TRHDE: variants seen among roughly 807,000 people sequenced by gnomAD.
TRHDE encodes the protein thyrotropin releasing hormone degrading enzyme, also known as thyrotropin-releasing hormone-degrading ectoenzyme.
A neutral mutation model predicts 125.7 loss-of-function variants in TRHDE; 72 were observed. The observed-to-expected ratio is 0.57, with a 90% CI of 0.47 to 0.70. The LOEUF (loss-of-function observed/expected upper bound fraction) is 0.70. Ranked by LOEUF, TRHDE falls within the 30% of genes least tolerant of loss-of-function variation. The pLI is 0.00. For synonymous variants in TRHDE, 509 were observed against 509.1 expected (o/e 1.00, Z 0.00); for missense variants, 1,110 against 1,327.1 (o/e 0.84, Z 2.54).
At position 72,591,981 on chromosome 12, in the gene TRHDE, TC is replaced by T. The variant is rs1474462731; in HGVS notation, c.2321+16440del. ...ATGCATGCAAGCACTTGCTGCTTAT[TC>T]TGTATGGTATTTGTTTAGCATTTTG... On this transcript the variant is annotated intron_variant, in intron 12 of 18. Transcript: ENST00000261180. 4.6e-5 allele frequency among the ~76,000 whole-genome samples: 7 copies of T among 152,242 alleles called. No homozygotes were observed. The East Asian group carries it at 1.3e-3, about 29-fold the overall frequency.
chr12:72,199,168 G>A (rs11179103), intron 2 of TRHDE, among the ~76,000 whole-genome samples: 6,699 of 152,188 alleles, frequency 0.044, 209 homozygotes, highest in South Asian at 0.11. Context: ...TGAGTGTGAG[G>A]TTGCCTCAGT....
chr12:72,099,212 A>G (rs181008872), intron 1 of TRHDE, among the ~76,000 whole-genome samples: 6 of 152,212 alleles, frequency 3.9e-5, no homozygotes, highest in East Asian at 1.9e-4. Context: ...TTTTTTGCCA[A>G]TCACCACTAA....
Position 72,621,744 on chromosome 12 carries a change from A to T in TRHDE, c.2668A>T (p.Arg890Trp). The change falls in exon 15 of 19, where the codon AGG becomes TGG. Residue 890 changes from arginine to tryptophan, a missense_variant. Physicochemically the swap from Arg to Trp is moderately radical, Grantham distance 101. This residue lies in a region of TRHDE where 527 missense variants were observed against 651.8 expected (regional missense o/e 0.81). Coordinates refer to ENST00000261180, the MANE Select transcript of TRHDE (RefSeq NM_013381.3). Reference sequence around the variant, plus strand: ...TATTTCAGATTGGATTTCCAGCAACAGGAACAGGTAAACTGAGCCAAATCC... The same window carrying T: ...TATTTCAGATTGGATTTCCAGCAACTGGAACAGGTAAACTGAGCCAAATCC... ...TLISDWISSNRNRIPLNVRDI... is the reference protein window; with the variant it reads ...TLISDWISSNWNRIPLNVRDI... 6.2e-7 allele frequency: 1 copy of T among 1,602,984 alleles called. No individual in the cohort carries two copies. The highest frequency in any genetic ancestry group is 1.4e-5 in the African/African-American group (1 of 73,892).
chr12:72,632,891 C>G (rs1873557069), intron 15 of TRHDE, among the ~76,000 whole-genome samples: 1 of 151,612 alleles, frequency 6.6e-6, no homozygotes, highest in Non-Finnish European at 1.5e-5. Flanking sequence ...TTTTACTTTT[C>G]CTTTGATGTC....
intron 1 of TRHDE, among the ~76,000 whole-genome samples, chr12:72,098,903 C>T (rs1310387614): frequency 2.0e-5 from 3 of 152,150 alleles, no homozygotes; most frequent in Admixed American, 6.5e-5. Context: ...TCGTGGCTCA[C>T]GTCTGTAATT....
chr12:72,248,441 C>T (rs1273337297), intron 2 of TRHDE, among the ~76,000 whole-genome samples: 4 of 121,060 alleles, frequency 3.3e-5, no homozygotes, highest in Non-Finnish European at 7.2e-5. Context: ...AAAAAAAAAG[C>T]GAAGTGCTTA....
At chr12:72,255,629 C>A (rs1878796349) in intron 2 of TRHDE, 1 of 152,202 alleles carries the variant, frequency 6.6e-6, no homozygotes, top group Non-Finnish European at 1.5e-5. Flanking sequence ...GAGGAACAAT[C>A]CCCGGGCTGT....
At chr12:72,521,849 T>A (rs934460297) in intron 6 of TRHDE, among the ~76,000 whole-genome samples, 1 of 152,104 alleles carries the variant, frequency 6.6e-6, no homozygotes, top group Non-Finnish European at 1.5e-5. Context: ...GTAGTCAAAT[T>A]TGTTAAGAGT....
rs1367032139 is a variant in TRHDE at position 72,378,070 on chromosome 12, A to G, written c.1264A>G (p.Ile422Val). ...TGCTCTCCATATAACAAAGAGATTA[A>G]TAGAATTTTATGAAGACTACTTTAA... ...DYALHITKRL[I>V]EFYEDYFKVP... Residue 422 changes from isoleucine (I) to valine (V), a missense_variant, in exon 3 of 19, where the codon ATA becomes GTA. By Grantham distance (29) the Ile-to-Val change is conservative. Coordinates refer to ENST00000261180, the MANE Select transcript of TRHDE (RefSeq NM_013381.3). 5 of 1,605,730 alleles carry G rather than the reference A, an allele frequency of 3.1e-6. No individual in the cohort carries two copies. The highest frequency in any genetic ancestry group is 4.3e-6 in the Non-Finnish European group (5 of 1,176,180).
intron 1 of TRHDE, among the ~76,000 whole-genome samples, chr12:72,276,920 T>A (rs1879508575): frequency 2.0e-5 from 3 of 152,184 alleles, no homozygotes; most frequent in African/African-American, 4.8e-5. Context: ...TTAGGTAAAA[T>A]GTCCGTTTAC....
Position 72,618,887 on chromosome 12 carries a change from G to C in TRHDE, c.2322-4G>C. ...CATGTATCTTTTTTTTTTTTTAACT[G>C]TAGGGCTGGCTATTTGCCTCAGAAT... On this transcript the variant is annotated splice_polypyrimidine_tract_variant and splice_region_variant and intron_variant, in intron 12 of 18. Transcript: ENST00000261180. 1 of 1,469,326 alleles carries C rather than the reference G, an allele frequency of 6.8e-7. No homozygotes were observed. The highest frequency in any genetic ancestry group is 1.4e-5 in the South Asian group (1 of 69,942). 91.0% of individuals were successfully genotyped at this position (1,469,326 alleles called of 1,614,324 possible).
chr12:72,218,603 TC>T (rs557968349), intron 2 of TRHDE, among the ~76,000 whole-genome samples: 412 of 152,234 alleles, frequency 2.7e-3, no homozygotes, highest in Non-Finnish European at 4.8e-3. Flanking sequence ...AGGGTTGGTT[TC>T]TTCTGGAGGC....
intron 10 of TRHDE, among the ~76,000 whole-genome samples, chr12:72,570,985 T>C (rs907319718): frequency 3.5e-5 from 5 of 142,628 alleles, no homozygotes; most frequent in Non-Finnish European, 6.0e-5. Flanking sequence ...AGATAATGTT[T>C]CCTGAAAATT....
chr12:72,404,065 G>C (rs547962663), intron 3 of TRHDE, among the ~76,000 whole-genome samples: 2 of 152,150 alleles, frequency 1.3e-5, no homozygotes, highest in Non-Finnish European at 2.9e-5. Flanking sequence ...TACTCAGTAT[G>C]TTGTACTAGT....
intron 2 of TRHDE, among the ~76,000 whole-genome samples, chr12:72,196,267 T>C (rs1295728154): frequency 6.6e-6 from 1 of 152,114 alleles, no homozygotes; most frequent in Admixed American, 6.6e-5. Flanking sequence ...AAGAATGATA[T>C]TGGTAGCTTG....
intron 2 of TRHDE, among the ~76,000 whole-genome samples, chr12:72,136,821 A>G (rs759397137): frequency 9.2e-5 from 14 of 152,194 alleles, no homozygotes; most frequent in Non-Finnish European, 1.8e-4. Flanking sequence ...GCATATGACC[A>G]TGGCAAAACT....
At chr12:72,334,971 C>T (rs1054624460) in intron 2 of TRHDE, among the ~76,000 whole-genome samples, 1 of 152,128 alleles carries the variant, frequency 6.6e-6, no homozygotes, top group African/African-American at 2.4e-5. Flanking sequence ...AGTTCGCAGG[C>T]AAATGCCAGA....
intron 2 of TRHDE, among the ~76,000 whole-genome samples, chr12:72,351,813 G>A (rs376147159): frequency 5.3e-5 from 8 of 151,874 alleles, no homozygotes; most frequent in Admixed American, 2.6e-4. Flanking sequence ...TTCTGGACAC[G>A]TCTTTTCTCT....
In TRHDE at chr12:72,273,110, C is replaced by A. The variant is rs1879316918; in HGVS notation, c.467C>A (p.Ala156Glu). The A allele has an allele frequency of 6.6e-7, 1 of 1,522,944 alleles. No homozygotes were observed. The highest frequency in any genetic ancestry group is 8.8e-7 in the Non-Finnish European group (1 of 1,135,284). 94.3% of individuals were successfully genotyped at this position (1,522,944 alleles called of 1,614,324 possible). The change falls in exon 1 of 19, where the codon GCG (alanine) becomes GAG (glutamate). Residue 156 changes from alanine (A) to glutamate (E), a missense_variant. This residue lies in a region of TRHDE where 248 missense variants were observed against 240.8 expected (regional missense o/e 1.03). Transcript: ENST00000261180. The surrounding 1 kb of genome is among the most constrained non-coding windows in gnomAD (Gnocchi z 5.3). ...HAGGDSWQPE[A>E]GGVASPGTTS... ...GGCGGGGACTCCTGGCAGCCCGAGG[C>A]GGGTGGGGTGGCCAGTCCGGGGACC... is the stretch of plus-strand genomic sequence containing the variant.
Sources: gnomAD v4.1 joint callset for allele counts (sites outside exome capture counted in the v4.1 genomes callset) on GRCh38, gnomAD v4.1.1 for gene constraint, gnomAD v4.1.1 regional missense constraint, Gnocchi (gnomAD v3.1) non-coding constraint, MANE v1.5 for transcripts, NCBI Gene and HGNC (gene_info 2026-07-23, HGNC 2026-07-21) for gene names.